Variants in ANKRD13C observed in about 807,000 individuals in gnomAD.
ANKRD13C encodes ankyrin repeat domain 13C.
Under a neutral mutation model 65.5 loss-of-function variants are expected in ANKRD13C, and 16 were observed. The observed-to-expected ratio is 0.24, with a 90% confidence interval of 0.17 to 0.37. ANKRD13C has a LOEUF of 0.37. Ranked by LOEUF, ANKRD13C falls within the 10% of genes least tolerant of loss-of-function variation. The pLI is 1.00. For missense variants in ANKRD13C, 503 were observed against 655.9 expected, an observed-to-expected ratio of 0.77 and a Z score of 2.55; for synonymous variants, 235 against 238.7, an observed-to-expected ratio of 0.98 and a Z score of 0.14.
At chr1:70,270,136 C>T (rs1678814996) in intron 12 of ANKRD13C, among the ~76,000 whole-genome samples, 1 of 152,124 alleles carries the variant, frequency 6.6e-6, no homozygotes, top group Non-Finnish European at 1.5e-5. Context: ...ATGAGTATTA[C>T]TTTATCCATC....
At chr1:70,342,994 T>C (rs1682381274) in intron 1 of ANKRD13C, among the ~76,000 whole-genome samples, 1 of 152,176 alleles carries the variant, frequency 6.6e-6, no homozygotes, top group Non-Finnish European at 1.5e-5. Context: ...ATAATTATCC[T>C]TTGTTTTCTT....
Position 70,354,080 on chromosome 1 carries a change from C to G in ANKRD13C, c.329G>C (p.Cys110Ser). ...PVAVVADGGS[C>S]PAHYPVHECV... Reference sequence around the variant, plus strand: ...CTCGTGCACCGGGTAGTGTGCGGGGCAACTGCCTCCATCCGCGACGACAGC... The same window carrying G: ...CTCGTGCACCGGGTAGTGTGCGGGGGAACTGCCTCCATCCGCGACGACAGC... The change falls in exon 1 of 13, where the codon TGC (cysteine) becomes TCC (serine). Residue 110 changes from cysteine (C) to serine (S), a missense_variant. Physicochemically the swap from Cys to Ser is moderately radical, Grantham distance 112. Around this residue, in one of 2 missense-constraint regions of ANKRD13C, gnomAD observed 203 missense variants for 177.6 expected, o/e 1.14. Transcript: ENST00000370944. The G allele has an allele frequency of 3.7e-6, 6 of 1,611,080 alleles. No homozygotes were observed. The highest frequency in any genetic ancestry group is 4.2e-6 in the Non-Finnish European group (5 of 1,178,194).
chr1:70,308,753 A>AC (rs1680706268), intron 5 of ANKRD13C, among the ~76,000 whole-genome samples: 2 of 151,730 alleles, frequency 1.3e-5, no homozygotes, highest in African/African-American at 4.8e-5. Flanking sequence ...AAAAAAAAAA[A>AC]AAAAATTAAA....
intron 1 of ANKRD13C, among the ~76,000 whole-genome samples, chr1:70,339,541 A>C (rs1015911448): frequency 2.0e-5 from 3 of 151,844 alleles, no homozygotes; most frequent in African/African-American, 7.3e-5. Flanking sequence ...CTGGTCTCAA[A>C]TTCCTGGCCT....
At chr1:70,265,290 A>G (rs1277417258) in intron 12 of ANKRD13C, among the ~76,000 whole-genome samples, 2 of 152,122 alleles carry the variant, frequency 1.3e-5, no homozygotes, top group African/African-American at 2.4e-5. Flanking sequence ...ACCAAGAGAG[A>G]GTCTATCAAA....
chr1:70,278,218 C>A (rs143122561), intron 9 of ANKRD13C, among the ~76,000 whole-genome samples: 48 of 145,730 alleles, frequency 3.3e-4, no homozygotes, highest in African/African-American at 1.1e-3. Flanking sequence ...ACTGGCCAGG[C>A]GTGGTGGCTC....
chr1:70,353,652 A>G (rs1682851914), intron 1 of ANKRD13C, among the ~76,000 whole-genome samples: 1 of 152,198 alleles, frequency 6.6e-6, no homozygotes, highest in South Asian at 2.1e-4. Context: ...ATAGCTCCAT[A>G]AACAAAGGGA....
At chr1:70,306,182 T>C in intron 6 of ANKRD13C, 42 bp downstream of exon 6, 1 of 1,410,744 alleles carries the variant, frequency 7.1e-7, no homozygotes, top group Non-Finnish European at 9.6e-7. Flanking sequence ...TTCCTCTAAA[T>C]CTCAACTTTC....
At chr1:70,312,021 T>G (rs984288510) in intron 5 of ANKRD13C, among the ~76,000 whole-genome samples, 2 of 152,220 alleles carry the variant, frequency 1.3e-5, no homozygotes, top group East Asian at 3.8e-4. Flanking sequence ...AAACTACTAT[T>G]TTTTCATACA....
At chr1:70,320,897 C>T (rs1572131406) in intron 3 of ANKRD13C, among the ~76,000 whole-genome samples, 1 of 151,902 alleles carries the variant, frequency 6.6e-6, no homozygotes, top group African/African-American at 2.4e-5. Flanking sequence ...TCAAGCAATC[C>T]TCCCACCTCA....
chr1:70,287,239 A>G (rs906136994), intron 9 of ANKRD13C, among the ~76,000 whole-genome samples: 1 of 152,098 alleles, frequency 6.6e-6, no homozygotes, highest in Non-Finnish European at 1.5e-5. Context: ...TGTTCATCAA[A>G]CAGAAGATTC....
intron 1 of ANKRD13C, among the ~76,000 whole-genome samples, chr1:70,349,060 TA>T (rs1682642042): frequency 6.6e-6 from 1 of 152,134 alleles, no homozygotes; most frequent in South Asian, 2.1e-4. Context: ...AAAACAAAAT[TA>T]CAAGTCTAAC....
Position 70,354,592 on chromosome 1 carries a change from C to T in ANKRD13C, c.-184G>A. 1.5e-6 allele frequency: 2 copies of T among 1,358,698 alleles called. No individual in the cohort carries two copies. Among genetic ancestry groups the T allele is most frequent in the East Asian group, 2.5e-5 (1 of 39,562 alleles). The allele number at this position is 1,358,698 out of a possible 1,614,324, so 84.2% of individuals were successfully genotyped here. On this transcript the variant is annotated 5_prime_UTR_variant, in exon 1 of 13. It adds an upstream start codon to the 5' untranslated region. Transcript: ENST00000370944. ...GGAAGAGCCGGCTCTCGCCTAGGCA[C>T]GAAGGGACGCGCGCTCGCTGGGGGA...
At chr1:70,303,235 T>A (rs1680453434) in intron 6 of ANKRD13C, among the ~76,000 whole-genome samples, 1 of 152,242 alleles carries the variant, frequency 6.6e-6, no homozygotes, top group African/African-American at 2.4e-5. Context: ...GCATCACATA[T>A]GCCTCAGTAA....
At chr1:70,313,662 T>C in intron 5 of ANKRD13C, 83 bp downstream of exon 5, 1 of 1,040,690 alleles carries the variant, frequency 9.6e-7, no homozygotes, top group Non-Finnish European at 1.4e-6. Context: ...TTTGTTATCC[T>C]AACATTTCTA....
chr1:70,312,204 A>G (rs373526054), intron 5 of ANKRD13C, among the ~76,000 whole-genome samples: 13 of 152,304 alleles, frequency 8.5e-5, no homozygotes, highest in Admixed American at 5.9e-4. Flanking sequence ...TGTATAATCT[A>G]TTTTCTTACT....
At chr1:70,265,442 T>C (rs1408606564) in intron 12 of ANKRD13C, among the ~76,000 whole-genome samples, 1 of 152,070 alleles carries the variant, frequency 6.6e-6, no homozygotes, top group East Asian at 1.9e-4. Flanking sequence ...CAATAATAAA[T>C]AAACAGGAAG....
chr1:70,278,694 T>C lies in ANKRD13C; in HGVS notation c.1216-1850A>G, dbSNP rs543512970. Among the ~76,000 whole-genome samples the C allele has an allele frequency of 3.9e-5, 6 of 152,274 alleles. No individual in the cohort carries two copies. In the South Asian group the frequency reaches 8.3e-4, roughly 21 times the overall value. On this transcript the variant is annotated intron_variant, in intron 9 of 12. Transcript: ENST00000370944. ...CATTCAAGAAATGTGGTTTTACATA[T>C]AATTAGTGTAAGATGTTAATGAGCC...
At chr1:70,304,035 C>G (rs546927225) in intron 6 of ANKRD13C, among the ~76,000 whole-genome samples, 1 of 152,146 alleles carries the variant, frequency 6.6e-6, no homozygotes, top group Non-Finnish European at 1.5e-5. Flanking sequence ...CCCTCATGTT[C>G]CTGTTTTAAC....
Sources: allele counts gnomAD v4.1 joint callset (sites outside exome capture counted in the v4.1 genomes callset), GRCh38; gene constraint gnomAD v4.1.1; regional missense constraint gnomAD v4.1.1; transcripts MANE v1.5; gene names NCBI Gene and HGNC (gene_info 2026-07-23, HGNC 2026-07-21).